Variants in YARS1 observed in about 807,000 individuals in gnomAD.
The protein encoded by YARS1 is tyrosyl-tRNA synthetase 1, also known as tyrosine--tRNA ligase, cytoplasmic.
YARS1 carries 36 observed loss-of-function variants against 62.2 expected under a neutral mutation model. That is an observed-to-expected ratio of 0.58 (90% CI 0.44 to 0.76). YARS1 has a LOEUF of 0.76. Among genes scored for constraint, YARS1 ranks in the 30% least tolerant of loss-of-function variants. YARS1 has a pLI of 0.00. For synonymous variants in YARS1, 234 were observed against 244.9 expected (o/e 0.96, Z 0.42); for missense variants, 524 against 639.8 (o/e 0.82, Z 1.95).
intron 6 of YARS1, 120 bp from the exon 7 acceptor site, chr1:32,787,195 T>C (rs1653257883): frequency 5.7e-6 from 7 of 1,223,148 alleles, no homozygotes; most frequent in Non-Finnish European, 8.1e-6. Context: ...AGTGGCACAA[T>C]CATGGCTCAC....
At chr1:32,785,135 C>T (rs1033392778) in intron 8 of YARS1, among the ~76,000 whole-genome samples, 1 of 152,144 alleles carries the variant, frequency 6.6e-6, no homozygotes, top group African/African-American at 2.4e-5. Flanking sequence ...TCATCAAAGC[C>T]ATTAACAAAA....
chr1:32,804,460 C>T (rs935681823), intron 4 of YARS1, among the ~76,000 whole-genome samples: 3 of 151,796 alleles, frequency 2.0e-5, no homozygotes, highest in African/African-American at 7.3e-5. Flanking sequence ...GGCGGAGACG[C>T]TCCTCACTTC....
At chr1:32,810,142 C>T (rs1638553274) in intron 3 of YARS1, among the ~76,000 whole-genome samples, 2 of 150,086 alleles carry the variant, frequency 1.3e-5, no homozygotes, top group African/African-American at 4.9e-5. Context: ...AACATTAGGA[C>T]ACGAAATATC....
At position 32,810,627 on chromosome 1, in the gene YARS1, A is replaced by T. The variant is rs1638562283; in HGVS notation, c.344T>A (p.Leu115His). ...GTAATCAGTGCCTTTGATGAACTTG[A>T]GCTTCTCCAAGGGCACACCAATGCT... is the stretch of plus-strand genomic sequence containing the variant. Reference protein sequence around the residue: ...LESIGVPLEKLKFIKGTDYQL... With the variant: ...LESIGVPLEKHKFIKGTDYQL... The change falls in exon 3 of 13, where the codon CTC (leucine) becomes CAC (histidine). Residue 115 changes from leucine (L) to histidine (H), a missense_variant. By Grantham distance (99) the Leu-to-His change is moderately conservative. Transcript: ENST00000373477. 1 of 1,613,384 alleles carries T rather than the reference A, an allele frequency of 6.2e-7. No individual in the cohort carries two copies. Among genetic ancestry groups the T allele is most frequent in the Non-Finnish European group, 8.5e-7 (1 of 1,180,024 alleles).
At position 32,810,573 on chromosome 1, in the gene YARS1, G is replaced by A. The variant is rs1324882055; in HGVS notation, c.380+18C>T. 5 of 1,612,354 alleles carry A rather than the reference G, an allele frequency of 3.1e-6. No homozygotes were observed. Among genetic ancestry groups the A allele is most frequent in the African/African-American group, 2.7e-5 (2 of 74,962 alleles). On this transcript the variant is annotated intron_variant, in intron 3 of 12. Coordinates refer to ENST00000373477, the MANE Select transcript of YARS1 (RefSeq NM_003680.4). ...GAAGCACCAGAGCCACAAGGAGGGTGGATGATCAAGCACTTACTTGCTGAG... is the reference window on the plus strand; with the variant it reads ...GAAGCACCAGAGCCACAAGGAGGGTAGATGATCAAGCACTTACTTGCTGAG...
In YARS1 at chr1:32,776,174, T is replaced by G; in HGVS notation, c.1477-83A>C. ...CCCCTTTTTTGGAGGGGGGGCAGAG[T>G]TTTGCTCTTGTTGCCCAGGCTGGAG... On this transcript the variant is annotated intron_variant, in intron 12 of 12. Coordinates refer to ENST00000373477, the MANE Select transcript of YARS1 (RefSeq NM_003680.4). This position sits in a 1 kb window ranked among gnomAD's most constrained non-coding sequence, Gnocchi z 4.0. The G allele has an allele frequency of 8.4e-7, 1 of 1,196,048 alleles. No individual in the cohort carries two copies. Among genetic ancestry groups the G allele is most frequent in the Non-Finnish European group, 1.2e-6 (1 of 822,654 alleles). 74.1% of individuals were successfully genotyped at this position (1,196,048 alleles called of 1,614,324 possible).
At position 32,784,333 on chromosome 1, in the gene YARS1, A is replaced by C. The variant is rs890155310; in HGVS notation, c.907-1794T>G. ...CCTGGCGTACATTAACATTTCTAGC[A>C]GCTCCATTAAATTGGTTGGACCTGA... On this transcript the variant is annotated intron_variant, in intron 8 of 12. Coordinates refer to ENST00000373477, the MANE Select transcript of YARS1 (RefSeq NM_003680.4). Among the ~76,000 whole-genome samples, 3 of 152,032 alleles carry C rather than the reference A, an allele frequency of 2.0e-5. No individual in the cohort carries two copies. The South Asian group carries it at 6.2e-4, about 32-fold the overall frequency.
In YARS1 at chr1:32,787,080, A is replaced by G. The variant is rs1225056341; in HGVS notation, c.685-5T>C. On this transcript the variant is annotated splice_polypyrimidine_tract_variant and splice_region_variant and intron_variant, in intron 6 of 12. Transcript: ENST00000373477. ...AAGGAGATCAATCTTGGACTCCTAGAAGTCATAGAACGGAAGAGGACCTCT... is the reference window on the plus strand; with the variant it reads ...AAGGAGATCAATCTTGGACTCCTAGGAGTCATAGAACGGAAGAGGACCTCT... 1.9e-6 allele frequency: 3 copies of G among 1,613,986 alleles called. No individual in the cohort carries two copies. Among genetic ancestry groups the G allele is most frequent in the Non-Finnish European group, 2.5e-6 (3 of 1,180,032 alleles).
At position 32,817,347 on chromosome 1, in the gene YARS1, G is replaced by C; in HGVS notation, c.-103C>G. ...GGAACTGTCACGCGAGTCCAGCCAG[G>C]TTGCATCAGCTGGGCTCGGCGCTCC... On this transcript the variant is annotated 5_prime_UTR_variant, in exon 1 of 13. Transcript: ENST00000373477. The C allele has an allele frequency of 1.3e-6, 2 of 1,485,436 alleles. No homozygotes were observed. The highest frequency in any genetic ancestry group is 9.3e-7 in the Non-Finnish European group (1 of 1,074,398). The allele number at this position is 1,485,436 out of a possible 1,614,324, so 92.0% of individuals were successfully genotyped here. A position where few individuals can be genotyped will look rare whatever the true frequency, so the allele number is the denominator to read the frequency against.
chr1:32,789,195 TGTTA>T lies in YARS1; in HGVS notation c.684+1963_684+1966del, dbSNP rs542381034. ...AAACATAATTTAGCAAACTCCAAACTGTTAGATTCTATCCTAATTTTTACAAATT... is the reference window on the plus strand; with the variant it reads ...AAACATAATTTAGCAAACTCCAAACTGATTCTATCCTAATTTTTACAAATT... On this transcript the variant is annotated intron_variant, in intron 6 of 12. Coordinates refer to ENST00000373477, the MANE Select transcript of YARS1 (RefSeq NM_003680.4). Among the ~76,000 whole-genome samples the T allele has an allele frequency of 8.5e-5, 13 of 152,362 alleles. No individual in the cohort carries two copies. In the South Asian group the frequency reaches 2.7e-3, roughly 32 times the overall value.
chr1:32,800,892 T>A (rs1638272597), intron 4 of YARS1, among the ~76,000 whole-genome samples: 1 of 152,172 alleles, frequency 6.6e-6, no homozygotes, highest in Non-Finnish European at 1.5e-5. Flanking sequence ...TTTTCTACCC[T>A]TCTCCTTGCT....
At chr1:32,791,122 G>T in intron 6 of YARS1, 40 bp downstream of exon 6, 2 of 1,556,518 alleles carry the variant, frequency 1.3e-6, no homozygotes, top group Non-Finnish European at 8.9e-7. Flanking sequence ...CTCCATTGAG[G>T]CTGAAGATTT....
At chr1:32,817,146 C>T (rs1355924240) in intron 1 of YARS1, 42 bp downstream of exon 1, 1 of 1,612,054 alleles carries the variant, frequency 6.2e-7, no homozygotes, top group Non-Finnish European at 8.5e-7. Flanking sequence ...GAACCTCGGG[C>T]TCCTAATCCC....
intron 4 of YARS1, among the ~76,000 whole-genome samples, chr1:32,803,286 CTTTTTTTT>C (rs60704395): frequency 7.4e-6 from 1 of 134,970 alleles, no homozygotes; most frequent in African/African-American, 2.8e-5. Flanking sequence ...CCTAATTCTT[CTTTTTTTT>C]TTTTTTTTTG....
At chr1:32,785,822 G>T (rs1429368157) in intron 8 of YARS1, among the ~76,000 whole-genome samples, 1 of 151,798 alleles carries the variant, frequency 6.6e-6, no homozygotes, top group Non-Finnish European at 1.5e-5. Flanking sequence ...GACCTCAGGT[G>T]ATCCACCCAC....
In YARS1 at chr1:32,776,022, A is replaced by G; in HGVS notation, c.1546T>C (p.Ser516Pro). Residue 516 changes from serine to proline, a missense_variant, in exon 13 of 13, where the codon TCC becomes CCC. By Grantham distance (74) the Ser-to-Pro change is moderately conservative. Transcript: ENST00000373477. The surrounding 1 kb of genome is among the most constrained non-coding windows in gnomAD (Gnocchi z 4.0). The stretch of plus-strand genomic sequence containing the variant: ...CCTTTCAGCGATTTACAGGAAATGG[A>G]GCCCAGCTTGGTCATGAAGTTGGTT... ...KQTNFMTKLG[S>P]ISCKSLKGGN... 1 of 1,614,148 alleles carries G rather than the reference A, an allele frequency of 6.2e-7. No individual in the cohort carries two copies. The highest frequency in any genetic ancestry group is 1.1e-5 in the South Asian group (1 of 91,084).
intron 6 of YARS1, among the ~76,000 whole-genome samples, chr1:32,787,426 G>A (rs1569723894): frequency 4.6e-5 from 7 of 152,042 alleles, no homozygotes; most frequent in Middle Eastern, 3.4e-3. Context: ...ACTGTGCCTC[G>A]CTAAAAAAAT....
intron 9 of YARS1, chr1:32,781,631 A>G (rs574069065): frequency 6.7e-5 from 12 of 179,002 alleles, no homozygotes; most frequent in African/African-American, 1.4e-4. Context: ...ATCAATGCCA[A>G]TATCTTAGCA....
At chr1:32,777,600 G>T (rs187827279) in intron 12 of YARS1, among the ~76,000 whole-genome samples, 46 of 152,168 alleles carry the variant, frequency 3.0e-4, no homozygotes, top group South Asian at 6.2e-4. Flanking sequence ...GACAGAGCAA[G>T]ACTCCATCTT....
Sources: gnomAD v4.1 joint callset for allele counts (sites outside exome capture counted in the v4.1 genomes callset) on GRCh38, gnomAD v4.1.1 for gene constraint, Gnocchi (gnomAD v3.1) non-coding constraint, MANE v1.5 for transcripts, NCBI Gene and HGNC (gene_info 2026-07-23, HGNC 2026-07-21) for gene names.